CNTN4: variants seen among roughly 807,000 people sequenced by gnomAD.
CNTN4 encodes contactin 4, also known as contactin-4.
A neutral mutation model predicts 122.5 loss-of-function variants in CNTN4; 77 were observed. That is an observed-to-expected ratio of 0.63 (90% CI 0.52 to 0.76). The LOEUF (loss-of-function observed/expected upper bound fraction) is 0.76. CNTN4 is among the 30% of genes least tolerant of loss of function. The probability of loss-of-function intolerance (pLI) is 0.00; values close to 1 mark genes in which losing one functional copy is unlikely to be tolerated. For synonymous variants in CNTN4, 512 were observed against 447.0 expected (o/e 1.15, Z -1.83); for missense variants, 1,256 against 1,259.1 (o/e 1.00, Z 0.04).
chr3:3,019,852 G>A (rs1559796381), intron 14 of CNTN4, among the ~76,000 whole-genome samples: 1 of 148,870 alleles, frequency 6.7e-6, no homozygotes, highest in Non-Finnish European at 1.5e-5. Context: ...TGTATATGGG[G>A]GAGAAGAAAA....
rs184171731 is a variant in CNTN4, at chr3:2,887,035, A to G, written c.756-5A>G. The G allele has an allele frequency of 1.2e-5, 19 of 1,613,168 alleles. No homozygotes were observed. The highest frequency in any genetic ancestry group is 1.1e-4 in the South Asian group (10 of 91,010). Reference sequence around the variant, plus strand: ...TGATTCACTCCTTTTTATTCTTGCTATCAGTCCAGTACCAACTATTATCTG... The same window carrying G: ...TGATTCACTCCTTTTTATTCTTGCTGTCAGTCCAGTACCAACTATTATCTG... On this transcript the variant is annotated splice_polypyrimidine_tract_variant and splice_region_variant and intron_variant, in intron 9 of 24. Transcript: ENST00000418658.
In CNTN4 at chr3:3,040,226, GA is replaced by G. The variant is rs1162638849; in HGVS notation, c.2355del (p.Gly786AlafsTer82). 6.2e-7 allele frequency: 1 copy of G among 1,614,198 alleles called. No homozygotes were observed. Among genetic ancestry groups the G allele is most frequent in the Admixed American group, 1.7e-5 (1 of 60,036 alleles). On this transcript the variant is annotated frameshift_variant, in exon 20 of 25. Coordinates refer to ENST00000418658, the MANE Select transcript of CNTN4 (RefSeq NM_175607.3). LOFTEE classifies it high-confidence loss of function. ...AGTAGGTGTCTTCAACAACAAAGGA[GA>G]AGGCCCTTTCAGTCCCACCACGGTG... is the stretch of plus-strand genomic sequence containing the variant. ...VKVGVFNNKG[E>X]GPFSPTTVVY...
At chr3:2,116,483 C>T (rs2033361779) in intron 2 of CNTN4, among the ~76,000 whole-genome samples, 1 of 152,136 alleles carries the variant, frequency 6.6e-6, no homozygotes, top group Admixed American at 6.5e-5. Flanking sequence ...AATACCGAAT[C>T]AGAGTCTCTG....
At chr3:2,824,169 A>AC (rs1559545859) in intron 7 of CNTN4, among the ~76,000 whole-genome samples, 1 of 151,664 alleles carries the variant, frequency 6.6e-6, no homozygotes, top group African/African-American at 2.4e-5. Context: ...AAAAAAAAAA[A>AC]AAAAACAGGC....
At chr3:3,007,686 C>T (rs932308610) in intron 14 of CNTN4, among the ~76,000 whole-genome samples, 14 of 152,176 alleles carry the variant, frequency 9.2e-5, no homozygotes, top group Admixed American at 2.6e-4. Flanking sequence ...GTAAAATATC[C>T]ACTTATCCAT....
chr3:2,427,083 C>G (rs1228718654), intron 3 of CNTN4, among the ~76,000 whole-genome samples: 1 of 152,110 alleles, frequency 6.6e-6, no homozygotes, highest in Non-Finnish European at 1.5e-5. Flanking sequence ...CAGTTCTACT[C>G]TGATCTTAGT....
At chr3:2,695,375 G>C (rs1296472834) in intron 4 of CNTN4, among the ~76,000 whole-genome samples, 1 of 152,166 alleles carries the variant, frequency 6.6e-6, no homozygotes, top group Non-Finnish European at 1.5e-5. Context: ...CTTATGCACA[G>C]CACCTTTTCA....
chr3:2,729,380 C>CGGTGAAACCCTGTCTCTACTA (rs1559437998), intron 4 of CNTN4, among the ~76,000 whole-genome samples: 1 of 148,432 alleles, frequency 6.7e-6, no homozygotes, highest in African/African-American at 2.5e-5. Flanking sequence ...CCGGCTAACA[C>CGGTGAAACCCTGTCTCTACTA]AAAATTAACA....
chr3:3,055,829 T>A (rs1398078843), intron 24 of CNTN4, among the ~76,000 whole-genome samples: 2 of 152,180 alleles, frequency 1.3e-5, no homozygotes, highest in East Asian at 3.8e-4. Flanking sequence ...ATCATCGACA[T>A]AGCATGCTGT....
rs1018083834 is a variant in CNTN4, at chr3:2,109,763, C to T, written c.-145+9124C>T. 3.3e-5 allele frequency among the ~76,000 whole-genome samples: 5 copies of T among 152,108 alleles called. 1 individual carries two copies. Among genetic ancestry groups the T allele is most frequent in the Admixed American group, 2.0e-4 (3 of 15,270 alleles). On this transcript the variant is annotated intron_variant, in intron 2 of 24. Transcript: ENST00000418658. ...GGTCTTCAACTATTAATTATAAATA[C>T]GAATTTTTTTGTCTTTAGTCACTCA...
intron 4 of CNTN4, among the ~76,000 whole-genome samples, chr3:2,660,999 G>A (rs1279246315): frequency 6.6e-6 from 1 of 152,152 alleles, no homozygotes; most frequent in African/African-American, 2.4e-5. Context: ...ACTGACCTTT[G>A]CCAAGCACTG....
intron 6 of CNTN4, among the ~76,000 whole-genome samples, chr3:2,761,394 A>G (rs2090582622): frequency 6.6e-6 from 1 of 151,770 alleles, no homozygotes; most frequent in South Asian, 2.1e-4. Flanking sequence ...GTTACATAGT[A>G]TCCTTCAGAG....
At chr3:2,670,939 T>C (rs924657953) in intron 4 of CNTN4, among the ~76,000 whole-genome samples, 18 of 152,224 alleles carry the variant, frequency 1.2e-4, no homozygotes, top group African/African-American at 3.9e-4. Flanking sequence ...CTCTTCTGGC[T>C]TGTAGTTTCT....
chr3:2,462,397 A>G (rs369835187), intron 3 of CNTN4, among the ~76,000 whole-genome samples: 1 of 152,290 alleles, frequency 6.6e-6, no homozygotes, highest in African/African-American at 2.4e-5. Context: ...TAGATATAGG[A>G]TGAAAGAATG....
intron 2 of CNTN4, among the ~76,000 whole-genome samples, chr3:2,174,354 A>C (rs912916938): frequency 1.3e-5 from 2 of 152,206 alleles, no homozygotes; most frequent in South Asian, 2.1e-4. Flanking sequence ...AGCATAACAT[A>C]GACTGGGTGG....
intron 3 of CNTN4, among the ~76,000 whole-genome samples, chr3:2,455,887 T>G (rs1379308375): frequency 2.6e-5 from 4 of 152,094 alleles, no homozygotes; most frequent in African/African-American, 4.8e-5. Context: ...ATTCAAAACT[T>G]GCCTCTCTTC....
At chr3:2,968,024 A>C (rs1692502613) in intron 13 of CNTN4, among the ~76,000 whole-genome samples, 1 of 152,112 alleles carries the variant, frequency 6.6e-6, no homozygotes, top group Non-Finnish European at 1.5e-5. Flanking sequence ...GCCTTATCTC[A>C]AAAGCCCTTG....
intron 2 of CNTN4, among the ~76,000 whole-genome samples, chr3:2,143,494 A>G (rs920525239): frequency 1.1e-4 from 16 of 152,226 alleles, no homozygotes; most frequent in African/African-American, 3.9e-4. Flanking sequence ...AGGTGATACT[A>G]TTCTCGATTT....
chr3:2,319,857 A>G (rs1444337037), intron 2 of CNTN4, among the ~76,000 whole-genome samples: 1 of 152,220 alleles, frequency 6.6e-6, no homozygotes, highest in Non-Finnish European at 1.5e-5. Context: ...GAGACCCTGT[A>G]AAAGAGAATT....
Sources: allele counts gnomAD v4.1 joint callset (sites outside exome capture counted in the v4.1 genomes callset), GRCh38; gene constraint gnomAD v4.1.1; transcripts MANE v1.5; gene names NCBI Gene and HGNC (gene_info 2026-07-23, HGNC 2026-07-21).